The following ROBO1 variants were observed in gnomAD, a reference collection of about 807,000 sequenced individuals.
ROBO1 encodes roundabout homolog 1.
Under a neutral mutation model 195.9 loss-of-function variants are expected in ROBO1, and 149 were observed. That is an observed-to-expected ratio of 0.76 (90% CI 0.67 to 0.87). ROBO1 has a LOEUF of 0.87. ROBO1 is among the 40% of genes least tolerant of loss of function. ROBO1 has a pLI of 0.00. For missense variants in ROBO1, 1,933 were observed against 2,068.3 expected (o/e 0.93, Z 1.27); for synonymous variants, 816 against 733.2 (o/e 1.11, Z -1.82).
intron 2 of ROBO1, among the ~76,000 whole-genome samples, chr3:79,333,122 GA>G (rs1166526822): frequency 6.6e-6 from 1 of 151,384 alleles, no homozygotes; most frequent in Admixed American, 6.6e-5. Context: ...CGAATTGCTT[GA>G]ACCTGAGAGG....
Position 78,668,232 on chromosome 3 carries a change from A to G in ROBO1, c.1701T>C (p.Pro567=). Residue 567 remains proline (P), a synonymous_variant, in exon 13 of 31, where the codon CCT becomes CCC. Transcript: ENST00000464233. ...TATTTCTGCTGACATCTGTCACTTC[A>G]GGTTTTGATGGGGCACTAGGGATTA... is the stretch of plus-strand genomic sequence containing the variant. ...PNLIPSAPSK[P]EVTDVSRNTV... is the part of the protein sequence containing the mutation. 6.2e-7 allele frequency: 1 copy of G among 1,613,920 alleles called. No individual in the cohort carries two copies. The highest frequency in any genetic ancestry group is 8.5e-7 in the Non-Finnish European group (1 of 1,179,828).
rs1402489278 is a variant in ROBO1 at position 79,205,140 on chromosome 3, G to T, written c.89-79601C>A. Among the ~76,000 whole-genome samples, 5 of 151,952 alleles carry T rather than the reference G, an allele frequency of 3.3e-5. No homozygotes were observed. The East Asian group carries it at 9.7e-4, about 30-fold the overall frequency. ...CTGGAGTAGTTGGGATTACAGGCGC[G>T]CACCACCATATCCGGTTAATTTTTT... On this transcript the variant is annotated intron_variant, in intron 2 of 30. Transcript: ENST00000464233.
chr3:79,394,776 GTACTA>G (rs1364462216), intron 2 of ROBO1, among the ~76,000 whole-genome samples: 4 of 152,042 alleles, frequency 2.6e-5, no homozygotes, highest in Non-Finnish European at 5.9e-5. Context: ...AAATAGGCAG[GTACTA>G]GTGAGTGTTA....
intron 1 of ROBO1, among the ~76,000 whole-genome samples, chr3:79,592,026 T>C (rs1944013513): frequency 6.7e-6 from 1 of 148,992 alleles, no homozygotes; most frequent in African/African-American, 2.6e-5. Context: ...ATTTAGAACT[T>C]GCTTATTACT....
At chr3:78,696,982 T>G (rs2081311933) in intron 8 of ROBO1, among the ~76,000 whole-genome samples, 1 of 151,732 alleles carries the variant, frequency 6.6e-6, no homozygotes, top group African/African-American at 2.4e-5. Context: ...ATATCCATCT[T>G]TTTTGAAACA....
chr3:79,509,849 T>G (rs113527625), intron 2 of ROBO1, among the ~76,000 whole-genome samples: 27 of 152,276 alleles, frequency 1.8e-4, no homozygotes, highest in African/African-American at 6.5e-4. Context: ...TACTTCTGCT[T>G]CTTATTAATA....
chr3:79,455,621 T>TG (rs1319813978), intron 2 of ROBO1, among the ~76,000 whole-genome samples: 2 of 152,072 alleles, frequency 1.3e-5, no homozygotes, highest in Non-Finnish European at 2.9e-5. Context: ...TGATTGTAGA[T>TG]ACAGGGAAGA....
At chr3:79,194,077 C>T (rs748358107) in intron 2 of ROBO1, among the ~76,000 whole-genome samples, 1 of 151,604 alleles carries the variant, frequency 6.6e-6, no homozygotes. Flanking sequence ...TAAATAAATA[C>T]GTAGAGTGGA....
intron 2 of ROBO1, among the ~76,000 whole-genome samples, chr3:79,504,714 C>T (rs2107516950): frequency 6.6e-6 from 1 of 152,242 alleles, no homozygotes; most frequent in Non-Finnish European, 1.5e-5. Context: ...TTTTGTATTT[C>T]ATGCTATCTC....
chr3:79,159,266 C>G (rs576326806), intron 2 of ROBO1, among the ~76,000 whole-genome samples: 1 of 151,966 alleles, frequency 6.6e-6, no homozygotes, highest in South Asian at 2.1e-4. Context: ...GGACAACATG[C>G]AATACTATAA....
chr3:79,677,813 G>A (rs529986475), intron 1 of ROBO1, among the ~76,000 whole-genome samples: 3 of 152,238 alleles, frequency 2.0e-5, no homozygotes, highest in Admixed American at 6.5e-5. Context: ...CATCTCCAGT[G>A]GAGGTGCTAA....
chr3:79,083,357 G>T (rs1187584838), intron 3 of ROBO1, among the ~76,000 whole-genome samples: 1 of 152,160 alleles, frequency 6.6e-6, no homozygotes, highest in Non-Finnish European at 1.5e-5. Context: ...TTCAAATGTA[G>T]TGGTTTGTGA....
At chr3:79,108,353 T>C (rs2079822349) in intron 3 of ROBO1, among the ~76,000 whole-genome samples, 1 of 151,726 alleles carries the variant, frequency 6.6e-6, no homozygotes, top group African/African-American at 2.4e-5. Context: ...ACCTATTTAG[T>C]CACTTTAAAG....
rs1203149866 is a variant in ROBO1, at chr3:78,681,792, C to T, written c.1342+3954G>A. ...TGGCGGGAGCCTGCAGTCCCAGCTA[C>T]TCGAGAGGCTGAGGCAGGAGAATGG... On this transcript the variant is annotated intron_variant, in intron 10 of 30. Coordinates refer to ENST00000464233, the MANE Select transcript of ROBO1 (RefSeq NM_002941.4). Among the ~76,000 whole-genome samples, 5 of 152,132 alleles carry T rather than the reference C, an allele frequency of 3.3e-5. No homozygotes were observed. In the East Asian group the frequency reaches 5.8e-4, roughly 18 times the overall value.
intron 8 of ROBO1, among the ~76,000 whole-genome samples, chr3:78,695,265 T>C (rs1192736423): frequency 6.6e-6 from 1 of 151,988 alleles, no homozygotes; most frequent in African/African-American, 2.4e-5. Flanking sequence ...ACTTAAAGTA[T>C]AATAATAAAG....
chr3:78,867,398 A>G (rs2035248273), intron 4 of ROBO1, among the ~76,000 whole-genome samples: 1 of 152,208 alleles, frequency 6.6e-6, no homozygotes, highest in Admixed American at 6.5e-5. Context: ...AGAGGACTAA[A>G]AAGTGTTTGA....
intron 3 of ROBO1, among the ~76,000 whole-genome samples, chr3:79,118,041 ATGAGAC>A (rs1203379250): frequency 1.7e-4 from 26 of 152,324 alleles, no homozygotes; most frequent in African/African-American, 6.3e-4. Flanking sequence ...AAGTGCAGAG[ATGAGAC>A]TGTACCCATG....
chr3:79,537,701 T>C (rs953450728), intron 2 of ROBO1, among the ~76,000 whole-genome samples: 1 of 150,912 alleles, frequency 6.6e-6, no homozygotes, highest in Non-Finnish European at 1.5e-5. Flanking sequence ...CACGAGGACA[T>C]AGGGAGGGGA....
At chr3:79,663,841 G>A (rs1946399323) in intron 1 of ROBO1, among the ~76,000 whole-genome samples, 1 of 151,900 alleles carries the variant, frequency 6.6e-6, no homozygotes, top group African/African-American at 2.4e-5. Context: ...TCTCTTAAAT[G>A]TTGTTATTTT....
Sources: gnomAD v4.1 joint callset for allele counts (sites outside exome capture counted in the v4.1 genomes callset) on GRCh38, gnomAD v4.1.1 for gene constraint, MANE v1.5 for transcripts, NCBI Gene and HGNC (gene_info 2026-07-23, HGNC 2026-07-21) for gene names.